Variants in TSHZ3 observed in about 807,000 individuals in gnomAD.
TSHZ3 encodes teashirt homolog 3.
A neutral mutation model predicts 64.5 loss-of-function variants in TSHZ3; 10 were observed. That is an observed-to-expected ratio of 0.16 (90% CI 0.10 to 0.26). TSHZ3 has a LOEUF of 0.26. TSHZ3 is among the 10% of genes least tolerant of loss of function. The pLI is 1.00. For synonymous variants in TSHZ3, 608 were observed against 593.1 expected (o/e 1.03, Z -0.36); for missense variants, 1,242 against 1,421.7 (o/e 0.87, Z 2.03).
At chr19:31,173,569 T>C (rs1974565727) in intron 5 of TSHZ3, among the ~76,000 whole-genome samples, 1 of 152,198 alleles carries the variant, frequency 6.6e-6, no homozygotes, top group Non-Finnish European at 1.5e-5. Flanking sequence ...TTTACTTCTG[T>C]CTGTTTCTTG....
intron 3 of TSHZ3, among the ~76,000 whole-genome samples, chr19:31,233,580 T>C (rs1975567919): frequency 6.6e-6 from 1 of 152,184 alleles, no homozygotes; most frequent in Non-Finnish European, 1.5e-5. Context: ...GGGCAAGCAA[T>C]TTTAATTTGA....
At chr19:31,310,724 C>T (rs958926534) in intron 1 of TSHZ3, among the ~76,000 whole-genome samples, 1 of 152,216 alleles carries the variant, frequency 6.6e-6, no homozygotes, top group Non-Finnish European at 1.5e-5. Context: ...GAGCAAGCTA[C>T]AAAACCTCTC....
chr19:31,188,019 A>G (rs142234368), intron 5 of TSHZ3, among the ~76,000 whole-genome samples: 3 of 152,098 alleles, frequency 2.0e-5, no homozygotes, highest in Non-Finnish European at 4.4e-5. Context: ...TTACAGCAAC[A>G]TTGAATTTCA....
At chr19:31,251,990 T>C (rs1027581926) in intron 1 of TSHZ3, among the ~76,000 whole-genome samples, 1 of 152,170 alleles carries the variant, frequency 6.6e-6, no homozygotes, top group Admixed American at 6.5e-5. Flanking sequence ...ATGGTTTTCC[T>C]CTGTATCCCT....
chr19:31,245,015 A>G (rs1156583805), intron 1 of TSHZ3, among the ~76,000 whole-genome samples: 2 of 152,218 alleles, frequency 1.3e-5, no homozygotes, highest in African/African-American at 4.8e-5. Context: ...TAAATACTCT[A>G]TGTAATTTGT....
intron 1 of TSHZ3, 93 bp downstream of exon 1, chr19:31,349,087 G>C: frequency 6.8e-7 from 1 of 1,465,838 alleles, no homozygotes; most frequent in Non-Finnish European, 9.1e-7. Context: ...GGGCAGAAGA[G>C]CGGGGCGAGG....
chr19:31,340,936 A>G (rs1917414468), intron 1 of TSHZ3, among the ~76,000 whole-genome samples: 1 of 152,236 alleles, frequency 6.6e-6, no homozygotes, highest in African/African-American at 2.4e-5. Context: ...TTCACCTTCC[A>G]TCTCTCAACC....
rs1568372193 is a variant in TSHZ3, at chr19:31,295,118, C to G, written c.41-15366G>C. On this transcript the variant is annotated intron_variant, in intron 1 of 1. Transcript: ENST00000240587. ...AGTGAATAAACAAACTAAAGTATAC[C>G]CATATCATGAAATACTATGCAGCAA... Among the ~76,000 whole-genome samples the G allele has an allele frequency of 3.3e-5, 5 of 152,174 alleles. No homozygotes were observed. The East Asian group carries it at 9.6e-4, about 29-fold the overall frequency.
rs76070624 is a variant in TSHZ3, at chr19:31,194,733, G to A, written n.809+10223C>T. ...ACAGTGCAGATTGAAGAGACACAGC[G>A]AGTGTCAAAAGGAGACTCAGATATG... On this transcript the variant is annotated intron_variant and non_coding_transcript_variant, in intron 5 of 6. Transcript: ENST00000651361. Among the ~76,000 whole-genome samples, 1,112 of 152,272 alleles carry A rather than the reference G, an allele frequency of 7.3e-3. 17 individuals are homozygous for A. Among genetic ancestry groups the A allele is most frequent in the African/African-American group, 0.023 (970 of 41,556 alleles).
chr19:31,246,733 T>A (rs545417341), intron 1 of TSHZ3, among the ~76,000 whole-genome samples: 83 of 152,216 alleles, frequency 5.5e-4, no homozygotes, highest in African/African-American at 1.9e-3. Flanking sequence ...ACGAGCATAC[T>A]TAGCATGGAG....
intron 3 of TSHZ3, among the ~76,000 whole-genome samples, chr19:31,228,219 A>G (rs1013179225): frequency 2.6e-5 from 4 of 152,218 alleles, no homozygotes; most frequent in East Asian, 1.9e-4. Context: ...TAATTCCTGA[A>G]TTCACCAATA....
chr19:31,262,818 C>T (rs1042749704), intron 1 of TSHZ3, among the ~76,000 whole-genome samples: 7 of 152,204 alleles, frequency 4.6e-5, no homozygotes, highest in African/African-American at 1.7e-4. Context: ...GTGGAAGGCA[C>T]ATTCCAACCC....
rs559283551 is a variant in TSHZ3 at position 31,201,003 on chromosome 19, G to A, written n.809+3953C>T. On this transcript the variant is annotated intron_variant and non_coding_transcript_variant, in intron 5 of 6. Coordinates refer to the TSHZ3 transcript ENST00000651361. ...GTATAATTAAAGCAGTGTGGTGTCA[G>A]GGGAAAAAAATGTAGACAAATCAGT... Among the ~76,000 whole-genome samples the A allele has an allele frequency of 3.5e-3, 355 of 100,434 alleles. 1 individual carries two copies. The highest frequency in any genetic ancestry group is 9.5e-3 in the African/African-American group (336 of 35,392). 65.9% of individuals were successfully genotyped at this position (100,434 alleles called of 152,430 possible).
rs1976572569 is a variant in TSHZ3 at position 31,291,903 on chromosome 19, A to G, written c.41-12151T>C. 2.0e-5 allele frequency among the ~76,000 whole-genome samples: 3 copies of G among 152,286 alleles called. No homozygotes were observed. The South Asian group carries it at 6.2e-4, about 32-fold the overall frequency. On this transcript the variant is annotated intron_variant, in intron 1 of 1. Coordinates refer to ENST00000240587, the MANE Select transcript of TSHZ3 (RefSeq NM_020856.4). ...GCCCATATCTGGGTTGACAGCAATCAGTTTGTCCTGGTAGCCAGCGACGGT... is the reference window on the plus strand; with the variant it reads ...GCCCATATCTGGGTTGACAGCAATCGGTTTGTCCTGGTAGCCAGCGACGGT...
chr19:31,151,421 G>A (rs540673742), exon 7 of TSHZ3, among the ~76,000 whole-genome samples: 1 of 152,274 alleles, frequency 6.6e-6, no homozygotes, highest in South Asian at 2.1e-4. Context: ...CCAGGGATCA[G>A]TAGAGAGACC....
At position 31,281,846 on chromosome 19, in the gene TSHZ3, G is replaced by A. The variant is rs74407854; in HGVS notation, c.41-2094C>T. Among the ~76,000 whole-genome samples the A allele has an allele frequency of 5.5e-3, 840 of 152,350 alleles. 5 individuals are homozygous for A. The highest frequency in any genetic ancestry group is 9.3e-3 in the Non-Finnish European group (634 of 68,026). The stretch of plus-strand genomic sequence containing the variant: ...AATCTGGACTCAAAACTCCAATGGA[G>A]TGGCAGGCCTGGAGGAAGAACAGCC... On this transcript the variant is annotated intron_variant, in intron 1 of 1. Transcript: ENST00000240587.
intron 1 of TSHZ3, among the ~76,000 whole-genome samples, chr19:31,332,936 T>G (rs1009058067): frequency 6.6e-5 from 10 of 151,546 alleles, no homozygotes; most frequent in African/African-American, 2.4e-4. Flanking sequence ...CAAAACCCCA[T>G]CCTACAAAAA....
intron 1 of TSHZ3, among the ~76,000 whole-genome samples, chr19:31,294,259 A>G (rs1976625349): frequency 6.6e-6 from 1 of 152,172 alleles, no homozygotes; most frequent in African/African-American, 2.4e-5. Flanking sequence ...GCATTGACAC[A>G]GTATTCAGCC....
chr19:31,267,864 G>A (rs1445788418), intron 1 of TSHZ3, among the ~76,000 whole-genome samples: 1 of 152,198 alleles, frequency 6.6e-6, no homozygotes, highest in Non-Finnish European at 1.5e-5. Flanking sequence ...AAGCTGGAGA[G>A]AGCAGAGTGA....
Sources: allele counts gnomAD v4.1 joint callset (sites outside exome capture counted in the v4.1 genomes callset), GRCh38; gene constraint gnomAD v4.1.1; transcripts MANE v1.5; gene names NCBI Gene and HGNC (gene_info 2026-07-23, HGNC 2026-07-21).